Variants in PDHX observed in about 807,000 individuals in gnomAD.
The protein encoded by PDHX is pyruvate dehydrogenase protein X component, mitochondrial.
PDHX carries 33 observed loss-of-function variants against 55.3 expected under a neutral mutation model. That is an observed-to-expected ratio of 0.60 (90% CI 0.45 to 0.80). The LOEUF is 0.80. Among genes scored for constraint, PDHX ranks in the 30% least tolerant of loss-of-function variants. PDHX has a pLI of 0.00. For synonymous variants in PDHX, 226 were observed against 219.4 expected (o/e 1.03, Z -0.27); for missense variants, 622 against 619.9 (o/e 1.00, Z -0.04).
At chr11:34,979,643 A>G (rs1173727685) in intron 8 of PDHX, among the ~76,000 whole-genome samples, 1 of 152,102 alleles carries the variant, frequency 6.6e-6, no homozygotes, top group Admixed American at 6.6e-5. Flanking sequence ...TTCTCTTTTG[A>G]TGAAATATTT....
Position 34,971,291 on chromosome 11 carries a change from C to A in PDHX, c.964+1005C>A, listed in dbSNP as rs560543980. On this transcript the variant is annotated intron_variant, in intron 7 of 10. Coordinates refer to ENST00000227868, the MANE Select transcript of PDHX (RefSeq NM_003477.3). Reference sequence around the variant, plus strand: ...ATTTCTTTATTTTTGACCTATATGGCCTTTATATTATTTTCTTGTCTTATT... The same window carrying A: ...ATTTCTTTATTTTTGACCTATATGGACTTTATATTATTTTCTTGTCTTATT... Among the ~76,000 whole-genome samples the A allele has an allele frequency of 2.3e-4, 35 of 152,076 alleles. No individual in the cohort carries two copies. In the South Asian group the frequency reaches 7.3e-3, roughly 32 times the overall value.
chr11:34,928,462 C>A (rs925647631), intron 1 of PDHX, among the ~76,000 whole-genome samples: 3 of 150,952 alleles, frequency 2.0e-5, no homozygotes, highest in African/African-American at 4.9e-5. Flanking sequence ...TGCCCACCCC[C>A]CTCCTTTTTT....
In PDHX at chr11:34,994,966, C is replaced by A; in HGVS notation, c.1300C>A (p.Pro434Thr). 1 of 1,613,922 alleles carries A rather than the reference C, an allele frequency of 6.2e-7. No homozygotes were observed. The highest frequency in any genetic ancestry group is 8.5e-7 in the Non-Finnish European group (1 of 1,179,890). ...GIDEFTAVIN[P>T]PQACILAVGR... ...CGACGAATTTACTGCAGTGATTAAC[C>A]CTCCTCAGGCCTGCATTTTGGCGGT... The change falls in exon 11 of 11, where the codon CCT (proline) becomes ACT (threonine). Residue 434 changes from proline to threonine, a missense_variant. Coordinates refer to ENST00000227868, the MANE Select transcript of PDHX (RefSeq NM_003477.3).
At position 34,994,969 on chromosome 11, in the gene PDHX, C is replaced by T; in HGVS notation, c.1303C>T (p.Pro435Ser). 6.2e-7 allele frequency: 1 copy of T among 1,614,028 alleles called. No individual in the cohort carries two copies. Among genetic ancestry groups the T allele is most frequent in the Non-Finnish European group, 8.5e-7 (1 of 1,179,924 alleles). Residue 435 changes from proline to serine, a missense_variant, in exon 11 of 11, where the codon CCT (proline) becomes TCT (serine). Transcript: ENST00000227868. ...IDEFTAVINP[P>S]QACILAVGRF... ...CGAATTTACTGCAGTGATTAACCCT[C>T]CTCAGGCCTGCATTTTGGCGGTTGG...
intron 7 of PDHX, 91 bp from the exon 8 acceptor site, chr11:34,978,033 A>G (rs1201322861): frequency 9.2e-6 from 7 of 759,680 alleles, no homozygotes; most frequent in Non-Finnish European, 1.7e-5. Flanking sequence ...GTTTGTCAGT[A>G]CATTCCATAA....
intron 10 of PDHX, among the ~76,000 whole-genome samples, chr11:34,993,282 T>G (rs1855793218): frequency 6.6e-6 from 1 of 152,156 alleles, no homozygotes; most frequent in South Asian, 2.1e-4. Flanking sequence ...TTTTTTTAAA[T>G]GAACGGAAGT....
chr11:34,957,788 A>G (rs977529018), intron 4 of PDHX, among the ~76,000 whole-genome samples: 1 of 151,904 alleles, frequency 6.6e-6, no homozygotes, highest in Non-Finnish European at 1.5e-5. Context: ...AATATCTGCT[A>G]TGTTCCAGGT....
At chr11:34,992,593 G>A (rs1855778112) in intron 10 of PDHX, among the ~76,000 whole-genome samples, 1 of 152,124 alleles carries the variant, frequency 6.6e-6, no homozygotes, top group Admixed American at 6.5e-5. Context: ...CTAAACGTTC[G>A]TTGGACATTG....
intron 2 of PDHX, among the ~76,000 whole-genome samples, chr11:34,937,049 G>C (rs1854338405): frequency 6.6e-6 from 1 of 152,066 alleles, no homozygotes; most frequent in South Asian, 2.1e-4. Flanking sequence ...CTCCCAAAGT[G>C]CCGGGATTAT....
intron 1 of PDHX, among the ~76,000 whole-genome samples, chr11:34,928,480 T>TC (rs931715173): frequency 2.6e-5 from 4 of 151,202 alleles, no homozygotes; most frequent in African/African-American, 7.3e-5. Flanking sequence ...TTTTTTTTTT[T>TC]CCCCAGAACA....
chr11:34,975,295 T>TA (rs928958803), intron 7 of PDHX, among the ~76,000 whole-genome samples: 3 of 152,118 alleles, frequency 2.0e-5, no homozygotes, highest in African/African-American at 7.2e-5. Flanking sequence ...TGTCTTCCTT[T>TA]AATTGTGAAA....
At chr11:34,932,996 GAA>G (rs1443255149) in intron 2 of PDHX, among the ~76,000 whole-genome samples, 5 of 152,106 alleles carry the variant, frequency 3.3e-5, no homozygotes, top group Non-Finnish European at 7.4e-5. Flanking sequence ...ATTTATCAAA[GAA>G]AGAGGTGGCA....
At chr11:34,953,848 G>T (rs879563874) in intron 3 of PDHX, among the ~76,000 whole-genome samples, 1 of 152,154 alleles carries the variant, frequency 6.6e-6, no homozygotes, top group Non-Finnish European at 1.5e-5. Flanking sequence ...ACCTCAGAAG[G>T]TTGTTAGGAT....
chr11:34,969,918 A>G (rs1855220836), intron 6 of PDHX, among the ~76,000 whole-genome samples: 1 of 152,158 alleles, frequency 6.6e-6, no homozygotes, highest in Non-Finnish European at 1.5e-5. Flanking sequence ...GAATTTTATT[A>G]CTTTTTTCTG....
chr11:34,951,538 G>A (rs1425787019), intron 3 of PDHX, among the ~76,000 whole-genome samples: 1 of 151,976 alleles, frequency 6.6e-6, no homozygotes, highest in Non-Finnish European at 1.5e-5. Flanking sequence ...CTTTTTGATG[G>A]GGTTGTTTGT....
intron 8 of PDHX, among the ~76,000 whole-genome samples, chr11:34,982,900 G>A (rs1311961786): frequency 6.6e-6 from 1 of 152,050 alleles, no homozygotes; most frequent in African/African-American, 2.4e-5. Flanking sequence ...AGAAAAAGAG[G>A]GAATCCTCCC....
At chr11:34,978,977 G>A (rs1469082312) in intron 8 of PDHX, among the ~76,000 whole-genome samples, 1 of 152,106 alleles carries the variant, frequency 6.6e-6, no homozygotes, top group Non-Finnish European at 1.5e-5. Flanking sequence ...CTGTGGAGAG[G>A]CAAGGGAGGA....
At chr11:34,976,030 A>G (rs1855363467) in intron 7 of PDHX, among the ~76,000 whole-genome samples, 1 of 152,192 alleles carries the variant, frequency 6.6e-6, no homozygotes, top group African/African-American at 2.4e-5. Context: ...CTCAGATCAT[A>G]CTTGCTTAGT....
intron 2 of PDHX, among the ~76,000 whole-genome samples, chr11:34,933,369 C>T (rs972698615): frequency 1.3e-5 from 2 of 152,132 alleles, no homozygotes; most frequent in African/African-American, 4.8e-5. Context: ...GATAAAGCGT[C>T]TCCAAAAGTA....
Sources: gnomAD v4.1 joint callset for allele counts (sites outside exome capture counted in the v4.1 genomes callset) on GRCh38, gnomAD v4.1.1 for gene constraint, MANE v1.5 for transcripts, NCBI Gene and HGNC (gene_info 2026-07-23, HGNC 2026-07-21) for gene names.